The following SLC30A4 variants were observed in gnomAD, a reference collection of about 807,000 sequenced individuals.
SLC30A4 encodes the protein solute carrier family 30 member 4.
Under a neutral mutation model 41.7 loss-of-function variants are expected in SLC30A4, and 20 were observed. The ratio of observed to expected loss-of-function variants is 0.48; its 90% CI spans 0.34 to 0.70. The LOEUF (loss-of-function observed/expected upper bound fraction) is 0.70. Ranked by LOEUF, SLC30A4 falls within the 30% of genes least tolerant of loss-of-function variation. SLC30A4 has a pLI of 0.01. For synonymous variants in SLC30A4, 181 were observed against 195.9 expected (o/e 0.92, Z 0.64); for missense variants, 441 against 529.3 (o/e 0.83, Z 1.64).
intron 5 of SLC30A4, 48 bp downstream of exon 5, chr15:45,488,793 G>A (rs890917783): frequency 8.1e-6 from 12 of 1,480,018 alleles, no homozygotes; most frequent in Non-Finnish European, 1.1e-5. Flanking sequence ...TAGTTTTCAT[G>A]TTGAAATTAA....
chr15:45,486,376 CA>C (rs1198975530), intron 7 of SLC30A4, among the ~76,000 whole-genome samples: 1 of 152,090 alleles, frequency 6.6e-6, no homozygotes, highest in Non-Finnish European at 1.5e-5. Flanking sequence ...TGTAATATCT[CA>C]AAGAGATAGA....
intron 2 of SLC30A4, among the ~76,000 whole-genome samples, chr15:45,517,090 C>T (rs1892501545): frequency 6.6e-6 from 1 of 151,944 alleles, no homozygotes; most frequent in Non-Finnish European, 1.5e-5. Flanking sequence ...TTTTAGTTCT[C>T]ATCTAATTAG....
intron 3 of SLC30A4, among the ~76,000 whole-genome samples, chr15:45,500,735 T>G (rs1892012083): frequency 6.6e-6 from 1 of 152,004 alleles, no homozygotes; most frequent in Admixed American, 6.6e-5. Flanking sequence ...CAGGCTGGAA[T>G]GCAATGGCAC....
rs1891616057 is a variant in SLC30A4, at chr15:45,482,425, A to G, written c.*2738T>C. 1 of 152,128 alleles carries G rather than the reference A, an allele frequency of 6.6e-6. No individual in the cohort carries two copies. The highest frequency in any genetic ancestry group is 1.5e-5 in the Non-Finnish European group (1 of 68,040). 9.4% of individuals were successfully genotyped at this position (152,128 alleles called of 1,614,324 possible). A position where few individuals can be genotyped will look rare whatever the true frequency, so the allele number is the denominator to read the frequency against. On this transcript the variant is annotated 3_prime_UTR_variant, in exon 8 of 8. Transcript: ENST00000261867. ...AGTGAGACACCATCTTAAAAAAAAAAAAAGAATTCTTTTCAATACTCAAAT... is the reference window on the plus strand; with the variant it reads ...AGTGAGACACCATCTTAAAAAAAAAGAAAGAATTCTTTTCAATACTCAAAT...
chr15:45,522,471 G>A lies in SLC30A4; in HGVS notation c.-114-3C>T, dbSNP rs1436886511. 6 of 1,003,472 alleles carry A rather than the reference G, an allele frequency of 6.0e-6. No homozygotes were observed. The highest frequency in any genetic ancestry group is 5.8e-5 in the Admixed American group (2 of 34,482). The allele number at this position is 1,003,472 out of a possible 1,614,324, so 62.2% of individuals were successfully genotyped here. ...AGTGCCGCGCGTCCCTCCCCATCCT[G>A]TGGAAAACGAAACACGTTATAAATT... On this transcript the variant is annotated splice_polypyrimidine_tract_variant and splice_region_variant and intron_variant, in intron 1 of 7. Transcript: ENST00000261867.
intron 3 of SLC30A4, among the ~76,000 whole-genome samples, chr15:45,493,047 G>A (rs1057298490): frequency 2.6e-5 from 4 of 152,292 alleles, no homozygotes; most frequent in African/African-American, 7.2e-5. Flanking sequence ...CAAGGCGGGC[G>A]GATCACCTGA....
At chr15:45,516,108 G>A (rs1435523870) in intron 2 of SLC30A4, among the ~76,000 whole-genome samples, 1 of 151,994 alleles carries the variant, frequency 6.6e-6, no homozygotes, top group Non-Finnish European at 1.5e-5. Context: ...TCATGGATAC[G>A]TGATCTTTTA....
At chr15:45,490,092 TTTTG>T (rs201412172) in intron 4 of SLC30A4, among the ~76,000 whole-genome samples, 2 of 152,160 alleles carry the variant, frequency 1.3e-5, no homozygotes, top group South Asian at 2.1e-4. Context: ...CTTTATTATT[TTTTG>T]TTTGTTTGTT....
rs981550456 is a variant in SLC30A4 at position 45,485,464 on chromosome 15, G to C, written c.1136-147C>G. On this transcript the variant is annotated intron_variant, in intron 7 of 7. Coordinates refer to ENST00000261867, the MANE Select transcript of SLC30A4 (RefSeq NM_013309.6). ...TCTAAGCTATTCTGTTAGATAAGTA[G>C]GTCAATTTACACATCCTTAATGGCT... The C allele has an allele frequency of 8.7e-6, 5 of 574,858 alleles. No homozygotes were observed. The East Asian group carries it at 1.2e-4, about 14-fold the overall frequency. 35.6% of individuals were successfully genotyped at this position (574,858 alleles called of 1,614,324 possible).
chr15:45,487,138 A>G (rs528969511), intron 6 of SLC30A4, among the ~76,000 whole-genome samples: 2 of 152,312 alleles, frequency 1.3e-5, no homozygotes, highest in South Asian at 4.1e-4. Context: ...AATGCAGTAA[A>G]TACAACAAAG....
intron 5 of SLC30A4, among the ~76,000 whole-genome samples, 197 bp downstream of exon 5, chr15:45,488,644 A>G (rs930442517): frequency 1.3e-5 from 2 of 152,226 alleles, no homozygotes; most frequent in Admixed American, 6.5e-5. Flanking sequence ...AGCCAAATAC[A>G]GATAAGTTAC....
intron 3 of SLC30A4, among the ~76,000 whole-genome samples, chr15:45,492,419 T>A (rs2140818669): frequency 6.6e-6 from 1 of 152,278 alleles, no homozygotes; most frequent in African/African-American, 2.4e-5. Flanking sequence ...GGGGATTTAT[T>A]TTTCACTGCA....
intron 3 of SLC30A4, among the ~76,000 whole-genome samples, chr15:45,496,255 T>C (rs566103872): frequency 6.6e-6 from 1 of 152,318 alleles, no homozygotes; most frequent in South Asian, 2.1e-4. Context: ...TAAAAATTTT[T>C]CCTTCATAAT....
At chr15:45,505,951 G>A (rs1264721308) in intron 3 of SLC30A4, among the ~76,000 whole-genome samples, 1 of 152,052 alleles carries the variant, frequency 6.6e-6, no homozygotes, top group Non-Finnish European at 1.5e-5. Flanking sequence ...AGGCCGAGGC[G>A]GGTGGATCAC....
intron 3 of SLC30A4, among the ~76,000 whole-genome samples, chr15:45,494,974 CA>C (rs1460231779): frequency 5.9e-5 from 9 of 152,040 alleles, no homozygotes; most frequent in Admixed American, 2.0e-4. Context: ...GCCTGAGCAA[CA>C]CAGTGAGACC....
intron 4 of SLC30A4, among the ~76,000 whole-genome samples, chr15:45,489,866 GCTCA>G (rs1421352931): frequency 2.6e-5 from 4 of 152,008 alleles, no homozygotes; most frequent in Admixed American, 1.3e-4. Context: ...ATCATATTTG[GCTCA>G]CTGATTTTTT....
intron 3 of SLC30A4, among the ~76,000 whole-genome samples, chr15:45,509,767 G>A (rs1892241514): frequency 6.6e-6 from 1 of 152,112 alleles, no homozygotes; most frequent in Non-Finnish European, 1.5e-5. Context: ...AAGAGGTCCT[G>A]GATGCTGTGG....
At position 45,485,043 on chromosome 15, in the gene SLC30A4, C is replaced by G. The variant is rs1203044371; in HGVS notation, c.*120G>C. ...CAGGCTGGGGCAACTGTTTGAGAGA[C>G]TGATGCTTGATACGGACACAGCTGT... On this transcript the variant is annotated 3_prime_UTR_variant, in exon 8 of 8. Coordinates refer to ENST00000261867, the MANE Select transcript of SLC30A4 (RefSeq NM_013309.6). The G allele has an allele frequency of 1.4e-6, 1 of 726,526 alleles. No homozygotes were observed. The highest frequency in any genetic ancestry group is 2.2e-6 in the Non-Finnish European group (1 of 444,456). The allele number at this position is 726,526 out of a possible 1,614,324, so 45.0% of individuals were successfully genotyped here. A position where few individuals can be genotyped will look rare whatever the true frequency, so the allele number is the denominator to read the frequency against.
At chr15:45,521,763 T>A in intron 2 of SLC30A4, 1 of 533,986 alleles carries the variant, frequency 1.9e-6, no homozygotes, top group Non-Finnish European at 3.3e-6. Flanking sequence ...GAAGAGAAAG[T>A]CAAAGTTATC....
Sources: allele counts gnomAD v4.1 joint callset (sites outside exome capture counted in the v4.1 genomes callset), GRCh38; gene constraint gnomAD v4.1.1; transcripts MANE v1.5; gene names NCBI Gene and HGNC (gene_info 2026-07-23, HGNC 2026-07-21).